Variants in DNASE1L2 observed in about 807,000 individuals in gnomAD.
DNASE1L2 encodes the protein deoxyribonuclease-1-like 2.
A neutral mutation model predicts 31.8 loss-of-function variants in DNASE1L2; 35 were observed. That is an observed-to-expected ratio of 1.10 (90% CI 0.84 to 1.46). DNASE1L2 has a LOEUF of 1.46. Ranked by LOEUF, DNASE1L2 falls within the 40% of genes most tolerant of loss-of-function variation. DNASE1L2 has a pLI of 0.00. For synonymous variants in DNASE1L2, 211 were observed against 186.5 expected, an observed-to-expected ratio of 1.13 and a Z score of -1.07; for missense variants, 504 against 418.8, an observed-to-expected ratio of 1.20 and a Z score of -1.77.
Position 2,238,602 on chromosome 16 carries a change from G to GA in DNASE1L2, c.*184_*185insA. ...ACCTCCGTTCCCCATCTGTGGGACG[G>GA]GCTGCATCCAGCGACCTCATGGGGT... On this transcript the variant is annotated 3_prime_UTR_variant, in exon 7 of 7. Transcript: ENST00000320700. 2.8e-6 allele frequency: 2 copies of GA among 717,946 alleles called. No homozygotes were observed. Among genetic ancestry groups the GA allele is most frequent in the Non-Finnish European group, 4.7e-6 (2 of 426,246 alleles). 44.5% of individuals were successfully genotyped at this position (717,946 alleles called of 1,614,324 possible).
rs530927808 is a variant in DNASE1L2, at chr16:2,238,409, C to T, written c.891C>T (p.Phe297=). The T allele has an allele frequency of 5.0e-5, 80 of 1,613,506 alleles. 1 individual carries two copies. In the South Asian group the frequency reaches 8.3e-4, roughly 17 times the overall value. ...TTCCAGTGGAGGTGACCCTCAAGTTCCACCGATGACTCGAGGCCTGGCTGG... is the reference window on the plus strand; with the variant it reads ...TTCCAGTGGAGGTGACCCTCAAGTTTCACCGATGACTCGAGGCCTGGCTGG... The part of the protein sequence containing the change: ...DHFPVEVTLK[F]HR The change falls in exon 7 of 7, where the codon TTC becomes TTT. Residue 297 remains phenylalanine (F), a synonymous_variant. Coordinates refer to ENST00000320700, the MANE Select transcript of DNASE1L2 (RefSeq NM_001374.3).
chr16:2,237,496 C>G lies in DNASE1L2; in HGVS notation c.438C>G (p.Leu146=). ...GCACCGGTGAGCGGGCCCCGCCCCT[C>G]CCCTCCCGCCGAGCTCTGACGCCCC... ...APGTGERAPP[L]PSRRALTPPP... is the part of the protein sequence containing the mutation. Residue 146 remains leucine (L), a synonymous_variant, in exon 5 of 7, where the codon CTC becomes CTG. Coordinates refer to ENST00000320700, the MANE Select transcript of DNASE1L2 (RefSeq NM_001374.3). The G allele has an allele frequency of 6.4e-7, 1 of 1,568,738 alleles. No homozygotes were observed. The highest frequency in any genetic ancestry group is 8.6e-7 in the Non-Finnish European group (1 of 1,156,596).
At position 2,236,519 on chromosome 16, in the gene DNASE1L2, C is replaced by T; in HGVS notation, c.-81C>T. 1 of 1,208,004 alleles carries T rather than the reference C, an allele frequency of 8.3e-7. No individual in the cohort carries two copies. The highest frequency in any genetic ancestry group is 1.0e-6 in the Non-Finnish European group (1 of 971,962). The allele number at this position is 1,208,004 out of a possible 1,614,324, so 74.8% of individuals were successfully genotyped here. A position where few individuals can be genotyped will look rare whatever the true frequency, so the allele number is the denominator to read the frequency against. On this transcript the variant is annotated 5_prime_UTR_variant, in exon 1 of 7. Transcript: ENST00000320700. ...AGCCTGGACCCGGGATCCCCATCCC[C>T]CTAGGATCTCTGAGCCTCGGGCCTC...
At chr16:2,236,703 G>A (rs2093511862) in intron 1 of DNASE1L2, 75 bp from the exon 2 acceptor site, 1 of 1,430,530 alleles carries the variant, frequency 7.0e-7, no homozygotes, top group Non-Finnish European at 9.1e-7. Context: ...GGCGGATTCC[G>A]CGTCGCACTG....
chr16:2,237,290 G>A lies in DNASE1L2; in HGVS notation c.306G>A (p.Leu102=), dbSNP rs774247020. 1 of 1,589,158 alleles carries A rather than the reference G, an allele frequency of 6.3e-7. No individual in the cohort carries two copies. The highest frequency in any genetic ancestry group is 8.6e-7 in the Non-Finnish European group (1 of 1,168,880). Residue 102 remains leucine (L), a synonymous_variant, in exon 4 of 7, where the codon CTG becomes CTA. Coordinates refer to ENST00000320700, the MANE Select transcript of DNASE1L2 (RefSeq NM_001374.3). ...GGGACCAGTACAAGGAGATGTACCT[G>A]TTCGTGTACAGGTGAGGGGCGGGCC... ...LGRDQYKEMY[L]FVYRKDAVSV... is the part of the protein sequence containing the mutation.
chr16:2,238,607 C>A lies in DNASE1L2; in HGVS notation c.*189C>A. On this transcript the variant is annotated 3_prime_UTR_variant, in exon 7 of 7. Coordinates refer to ENST00000320700, the MANE Select transcript of DNASE1L2 (RefSeq NM_001374.3). The stretch of plus-strand genomic sequence containing the variant: ...CGTTCCCCATCTGTGGGACGGGCTG[C>A]ATCCAGCGACCTCATGGGGTGTTGT... 1.5e-6 allele frequency: 1 copy of A among 684,404 alleles called. No homozygotes were observed. Among genetic ancestry groups the A allele is most frequent in the South Asian group, 1.7e-5 (1 of 58,088 alleles). The allele number at this position is 684,404 out of a possible 1,614,324, so 42.4% of individuals were successfully genotyped here.
At position 2,236,557 on chromosome 16, in the gene DNASE1L2, C is replaced by G; in HGVS notation, c.-43C>G. 7.9e-7 allele frequency: 1 copy of G among 1,270,546 alleles called. No individual in the cohort carries two copies. The highest frequency in any genetic ancestry group is 3.2e-5 in the East Asian group (1 of 31,486). The allele number at this position is 1,270,546 out of a possible 1,614,324, so 78.7% of individuals were successfully genotyped here. On this transcript the variant is annotated 5_prime_UTR_variant, in exon 1 of 7. Coordinates refer to ENST00000320700, the MANE Select transcript of DNASE1L2 (RefSeq NM_001374.3). ...AGCCTCGGGCCTCTGCACCCACATC[C>G]AAGGTGAGTCTCTCGGCTGCCCTGA...
At position 2,236,780 on chromosome 16, in the gene DNASE1L2, G is replaced by C. The variant is rs1386002174; in HGVS notation, c.-37G>C. On this transcript the variant is annotated splice_region_variant and 5_prime_UTR_variant, in exon 2 of 7. Coordinates refer to ENST00000320700, the MANE Select transcript of DNASE1L2 (RefSeq NM_001374.3). Reference sequence around the variant, plus strand: ...GGTCTGACAGCGGGTCTGCGTAGGCGGCAGCGTCTGTCCCTCCCAGCCTCT... The same window carrying C: ...GGTCTGACAGCGGGTCTGCGTAGGCCGCAGCGTCTGTCCCTCCCAGCCTCT... 4 of 1,554,734 alleles carry C rather than the reference G, an allele frequency of 2.6e-6. No homozygotes were observed. The highest frequency in any genetic ancestry group is 4.6e-5 in the East Asian group (2 of 43,670).
chr16:2,238,075 G>C, intron 6 of DNASE1L2, 57 bp downstream of exon 6: 2 of 1,534,100 alleles, frequency 1.3e-6, no homozygotes, highest in South Asian at 1.2e-5. Flanking sequence ...GGCGCACGCA[G>C]GCAGCAGGGA....
rs1181262309 is a variant in DNASE1L2, at chr16:2,237,461, T to C, written c.403T>C (p.Ser135Pro). ...FSREPFVVKFSAPGTGERAPP... is the reference protein window; with the variant it reads ...FSREPFVVKFPAPGTGERAPP... The stretch of plus-strand genomic sequence containing the variant: ...CCGCGAGCCCTTCGTGGTCAAGTTC[T>C]CGGCCCCCGGCACCGGTGAGCGGGC... The change falls in exon 5 of 7, where the codon TCG becomes CCG. Residue 135 changes from serine (S) to proline (P), a missense_variant. Transcript: ENST00000320700. The C allele has an allele frequency of 6.3e-7, 1 of 1,583,010 alleles. No homozygotes were observed.
Position 2,237,477 on chromosome 16 carries a change from G to C in DNASE1L2, c.419G>C (p.Gly140Ala). The C allele has an allele frequency of 6.3e-7, 1 of 1,576,524 alleles. No homozygotes were observed. The highest frequency in any genetic ancestry group is 8.6e-7 in the Non-Finnish European group (1 of 1,162,908). The change falls in exon 5 of 7, where the codon GGT becomes GCT. Residue 140 changes from glycine (G) to alanine (A), a missense_variant. By Grantham distance (60) the Gly-to-Ala change is moderately conservative. Transcript: ENST00000320700. ...GTCAAGTTCTCGGCCCCCGGCACCGGTGAGCGGGCCCCGCCCCTCCCCTCC... is the reference window on the plus strand; with the variant it reads ...GTCAAGTTCTCGGCCCCCGGCACCGCTGAGCGGGCCCCGCCCCTCCCCTCC... The part of the protein sequence containing the change: ...FVVKFSAPGT[G>A]ERAPPLPSRR...
Position 2,236,890 on chromosome 16 carries a change from G to A in DNASE1L2, c.74G>A (p.Gly25Glu), listed in dbSNP as rs760623413. ...GCCGGGACCGCCGCGCTTCGCATCG[G>A]AGCCTTCAACATTCAGAGCTTCGGT... ...EAAGTAALRI[G>E]AFNIQSFGDS... The change falls in exon 2 of 7, where the codon GGA (glycine) becomes GAA (glutamate). Residue 25 changes from glycine (G) to glutamate (E), a missense_variant. Coordinates refer to ENST00000320700, the MANE Select transcript of DNASE1L2 (RefSeq NM_001374.3). 2 of 1,596,754 alleles carry A rather than the reference G, an allele frequency of 1.3e-6. No individual in the cohort carries two copies. Among genetic ancestry groups the A allele is most frequent in the Admixed American group, 3.5e-5 (2 of 57,842 alleles).
chr16:2,238,049 G>C, intron 6 of DNASE1L2, 31 bp downstream of exon 6: 19 of 1,566,410 alleles, frequency 1.2e-5, no homozygotes, highest in Non-Finnish European at 1.6e-5. Flanking sequence ...TGCTGGTCTT[G>C]GGTCCCCACC....
In DNASE1L2 at chr16:2,237,321, G is replaced by T. The variant is rs1485597760; in HGVS notation, c.317+20G>T. 2 of 1,591,634 alleles carry T rather than the reference G, an allele frequency of 1.3e-6. No individual in the cohort carries two copies. Among genetic ancestry groups the T allele is most frequent in the Admixed American group, 1.8e-5 (1 of 56,798 alleles). On this transcript the variant is annotated intron_variant, in intron 4 of 6. Transcript: ENST00000320700. ...GTACAGGTGAGGGGCGGGCCGCAGG[G>T]AGGGGCGCGCGGGGCCGCAGGTCGG... is the stretch of plus-strand genomic sequence containing the variant.
chr16:2,237,279 G>A lies in DNASE1L2; in HGVS notation c.295G>A (p.Glu99Lys), dbSNP rs1257020211. 6.3e-7 allele frequency: 1 copy of A among 1,590,096 alleles called. No individual in the cohort carries two copies. The highest frequency in any genetic ancestry group is 1.1e-5 in the South Asian group (1 of 87,976). Residue 99 changes from glutamate (E) to lysine (K), a missense_variant, in exon 4 of 7, where the codon GAG (glutamate) becomes AAG (lysine). Transcript: ENST00000320700. ...SQPLGRDQYK[E>K]MYLFVYRKDA... ...GCCCCTGGGCCGGGACCAGTACAAG[G>A]AGATGTACCTGTTCGTGTACAGGTG...
intron 5 of DNASE1L2, 25 bp from the exon 6 acceptor site, chr16:2,237,730 CTGCGGCGGCTCA>C: frequency 1.1e-5 from 18 of 1,595,534 alleles, no homozygotes; most frequent in Non-Finnish European, 1.5e-5. Context: ...TCGACGGCTC[CTGCGGCGGCTCA>C]GACACGGCTC....
Position 2,237,558 on chromosome 16 carries a change from T to A in DNASE1L2, c.500T>A (p.Ile167Asn). ...LPAAAQNLVL[I>N]PLHAAPHQAV... The stretch of plus-strand genomic sequence containing the variant: ...GCAGCAGCACAGAACCTGGTGCTGA[T>A]CCCGCTGCACGCGGCGCCGCATCAA... The change falls in exon 5 of 7, where the codon ATC (isoleucine) becomes AAC (asparagine). Residue 167 changes from isoleucine to asparagine, a missense_variant. Coordinates refer to ENST00000320700, the MANE Select transcript of DNASE1L2 (RefSeq NM_001374.3). The A allele has an allele frequency of 6.2e-7, 1 of 1,606,892 alleles. No individual in the cohort carries two copies. Among genetic ancestry groups the A allele is most frequent in the Non-Finnish European group, 8.5e-7 (1 of 1,178,306 alleles).
In DNASE1L2 at chr16:2,238,636, C is replaced by T. The variant is rs2093520166; in HGVS notation, c.*218C>T. 1.6e-6 allele frequency: 1 copy of T among 613,764 alleles called. No individual in the cohort carries two copies. The highest frequency in any genetic ancestry group is 2.9e-6 in the Non-Finnish European group (1 of 343,388). The allele number at this position is 613,764 out of a possible 1,614,324, so 38.0% of individuals were successfully genotyped here. ...CAGCGACCTCATGGGGTGTTGTGAG[C>T]CCCATGAGGGGTGCAGGGGGCACTG... On this transcript the variant is annotated 3_prime_UTR_variant, in exon 7 of 7. Coordinates refer to ENST00000320700, the MANE Select transcript of DNASE1L2 (RefSeq NM_001374.3).
At position 2,238,362 on chromosome 16, in the gene DNASE1L2, G is replaced by A; in HGVS notation, c.844G>A (p.Ala282Thr). 2.5e-6 allele frequency: 4 copies of A among 1,613,396 alleles called. No homozygotes were observed. The highest frequency in any genetic ancestry group is 3.4e-6 in the Non-Finnish European group (4 of 1,179,992). ...CCTGAGGCTCACTCTGTCCCCACAG[G>A]CTCTTGCCATCAGCGACCACTTTCC... Reference protein sequence around the residue: ...QEEFGLDQTQALAISDHFPVE... With the variant: ...QEEFGLDQTQTLAISDHFPVE... The change falls in exon 7 of 7, where the codon GCT becomes ACT. Residue 282 changes from alanine to threonine, a missense_variant and splice_region_variant. Coordinates refer to ENST00000320700, the MANE Select transcript of DNASE1L2 (RefSeq NM_001374.3).
Sources: gnomAD v4.1 joint callset for allele counts on GRCh38, gnomAD v4.1.1 for gene constraint, MANE v1.5 for transcripts, NCBI Gene and HGNC (gene_info 2026-07-23, HGNC 2026-07-21) for gene names.